Variants in TCEANC2 observed in about 807,000 individuals in gnomAD.
The protein encoded by TCEANC2 is transcription elongation factor A N-terminal and central domain containing 2, also known as transcription elongation factor A N-terminal and central domain-containing protein 2.
TCEANC2 carries 20 observed loss-of-function variants against 22.8 expected under a neutral mutation model. The observed-to-expected ratio is 0.88, with a 90% CI of 0.62 to 1.28. The LOEUF is 1.28. TCEANC2 is among the 50% of genes most tolerant of loss of function. TCEANC2 has a pLI of 0.00. For missense variants in TCEANC2, 251 were observed against 249.7 expected (o/e 1.01, Z -0.03); for synonymous variants, 84 against 95.5 (o/e 0.88, Z 0.70).
At position 54,103,415 on chromosome 1, in the gene TCEANC2, G is replaced by A. The variant is rs1368580884; in HGVS notation, c.*6942G>A. 6.6e-6 allele frequency: 1 copy of A among 152,252 alleles called. No individual in the cohort carries two copies. The highest frequency in any genetic ancestry group is 1.5e-5 in the Non-Finnish European group (1 of 68,086). 9.4% of individuals were successfully genotyped at this position (152,252 alleles called of 1,614,324 possible). ...CAGCAGGGGAGAGAGAGAGTGCAAA[G>A]GGGGAACTGCCAAACACTTTGAAAC... On this transcript the variant is annotated 3_prime_UTR_variant, in exon 5 of 5. Coordinates refer to ENST00000234827, the MANE Select transcript of TCEANC2 (RefSeq NM_153035.3).
intron 3 of TCEANC2, among the ~76,000 whole-genome samples, chr1:54,072,357 T>G (rs947676018): frequency 6.6e-6 from 1 of 152,004 alleles, no homozygotes; most frequent in Admixed American, 6.5e-5. Context: ...TTTCAATAAC[T>G]GTTTTTCATT....
rs1658662923 is a variant in TCEANC2 at position 54,101,440 on chromosome 1, TTCAAGATCCAAGAAGA to T, written c.*4974_*4989del. On this transcript the variant is annotated 3_prime_UTR_variant, in exon 5 of 5. Transcript: ENST00000234827. ...TTACTCATAACCTGGGGAGGTTGGT[TTCAAGATCCAAGAAGA>T]TCAAGACATCCAATCAAATGCTGGT... 6.6e-6 allele frequency: 1 copy of T among 152,186 alleles called. No homozygotes were observed. Among genetic ancestry groups the T allele is most frequent in the Non-Finnish European group, 1.5e-5 (1 of 68,044 alleles). The allele number at this position is 152,186 out of a possible 1,614,324, so 9.4% of individuals were successfully genotyped here.
downstream of TCEANC2, chr1:54,106,148 T>C (rs1658751141): frequency 2.0e-5 from 3 of 152,176 alleles, no homozygotes; most frequent in Admixed American, 2.0e-4. Flanking sequence ...AGAAATACTT[T>C]TACATATGTG....
Position 54,101,514 on chromosome 1 carries a change from A to C in TCEANC2, c.*5041A>C, listed in dbSNP as rs989623713. The C allele has an allele frequency of 2.0e-5, 3 of 152,198 alleles. No homozygotes were observed. The highest frequency in any genetic ancestry group is 4.8e-5 in the African/African-American group (2 of 41,442). The allele number at this position is 152,198 out of a possible 1,614,324, so 9.4% of individuals were successfully genotyped here. ...GTTGATAAAATCATTCTTTCAATAC[A>C]TATTTGTTGAGTTCTTACGTGTCAG... is the stretch of plus-strand genomic sequence containing the variant. On this transcript the variant is annotated 3_prime_UTR_variant, in exon 5 of 5. Coordinates refer to ENST00000234827, the MANE Select transcript of TCEANC2 (RefSeq NM_153035.3).
At chr1:54,061,671 T>C (rs975243652) in intron 2 of TCEANC2, among the ~76,000 whole-genome samples, 8 of 152,194 alleles carry the variant, frequency 5.3e-5, no homozygotes, top group African/African-American at 1.7e-4. Flanking sequence ...CTTGAAGTCA[T>C]GTAGCCATTA....
intron 4 of TCEANC2, among the ~76,000 whole-genome samples, chr1:54,092,270 G>C (rs1443061528): frequency 6.6e-6 from 1 of 152,110 alleles, no homozygotes; most frequent in East Asian, 1.9e-4. Flanking sequence ...ACTATCTCCT[G>C]GCTGATAACC....
chr1:54,073,042 T>G (rs1039130374), intron 3 of TCEANC2, among the ~76,000 whole-genome samples: 1 of 152,170 alleles, frequency 6.6e-6, no homozygotes, highest in Non-Finnish European at 1.5e-5. Context: ...CACAGCTCAC[T>G]GCAGCCTTGA....
At chr1:54,057,602 G>T (rs1156743559) in intron 2 of TCEANC2, among the ~76,000 whole-genome samples, 1 of 151,948 alleles carries the variant, frequency 6.6e-6, no homozygotes, top group Non-Finnish European at 1.5e-5. Context: ...ATGGTCTGTT[G>T]ACTTGTCTCC....
chr1:54,089,928 A>G, intron 4 of TCEANC2: 1 of 757,746 alleles, frequency 1.3e-6, no homozygotes, highest in Non-Finnish European at 2.3e-6. Context: ...GGCAAGGCAG[A>G]GCCACCGGAA....
At chr1:54,068,948 C>G (rs1557688159) in intron 3 of TCEANC2, 51 bp downstream of exon 3, 14 of 1,433,086 alleles carry the variant, frequency 9.8e-6, no homozygotes, top group Middle Eastern at 2.6e-4. Context: ...TTTTGTCTCC[C>G]TTCTTCTTTC....
rs997442363 is a variant in TCEANC2, at chr1:54,096,717, G to A, written c.*244G>A. The A allele has an allele frequency of 2.5e-6, 3 of 1,207,968 alleles. No individual in the cohort carries two copies. Among genetic ancestry groups the A allele is most frequent in the African/African-American group, 1.5e-5 (1 of 65,614 alleles). 74.8% of individuals were successfully genotyped at this position (1,207,968 alleles called of 1,614,324 possible). A position where few individuals can be genotyped will look rare whatever the true frequency, so the allele number is the denominator to read the frequency against. The stretch of plus-strand genomic sequence containing the variant: ...CGCACACTGGCTGTCACTAGGAAGC[G>A]CCATACGGTTGCTATCACCCAACAT... On this transcript the variant is annotated 3_prime_UTR_variant, in exon 5 of 5. Transcript: ENST00000234827. This position sits in a 1 kb window ranked among gnomAD's most constrained non-coding sequence, Gnocchi z 4.9.
Position 54,104,570 on chromosome 1 carries a change from G to A in TCEANC2, c.*8097G>A, listed in dbSNP as rs1658714600. The A allele has an allele frequency of 2.2e-6, 1 of 454,346 alleles. No homozygotes were observed. The highest frequency in any genetic ancestry group is 2.4e-5 in the Admixed American group (1 of 42,264). 28.1% of individuals were successfully genotyped at this position (454,346 alleles called of 1,614,324 possible). On this transcript the variant is annotated 3_prime_UTR_variant, in exon 5 of 5. Coordinates refer to ENST00000234827, the MANE Select transcript of TCEANC2 (RefSeq NM_153035.3). ...TTTTTCTTTTTCTTTTTCAGAGGTGGAGTCTCTGTCACCCAGGCTGGAGTG... is the reference window on the plus strand; with the variant it reads ...TTTTTCTTTTTCTTTTTCAGAGGTGAAGTCTCTGTCACCCAGGCTGGAGTG...
rs142509427 is a variant in TCEANC2, at chr1:54,059,534, G to A, written c.102+5010G>A. Among the ~76,000 whole-genome samples, 458 of 152,288 alleles carry A rather than the reference G, an allele frequency of 3.0e-3. 2 individuals are homozygous for A. Among genetic ancestry groups the A allele is most frequent in the Non-Finnish European group, 4.0e-3 (269 of 68,026 alleles). Reference sequence around the variant, plus strand: ...CATATTAAGTGGTCAATAAATATTTGTCAAATAAATGAATGTTGAAATGCT... The same window carrying A: ...CATATTAAGTGGTCAATAAATATTTATCAAATAAATGAATGTTGAAATGCT... On this transcript the variant is annotated intron_variant, in intron 2 of 4. Transcript: ENST00000234827.
rs113322792 is a variant in TCEANC2 at position 54,055,223 on chromosome 1, C to T, written c.102+699C>T. Among the ~76,000 whole-genome samples the T allele has an allele frequency of 5.8e-3, 883 of 152,296 alleles. 6 individuals are homozygous for T. Among genetic ancestry groups the T allele is most frequent in the African/African-American group, 0.02 (826 of 41,542 alleles). On this transcript the variant is annotated intron_variant, in intron 2 of 4. Coordinates refer to ENST00000234827, the MANE Select transcript of TCEANC2 (RefSeq NM_153035.3). ...AAAATGATCCACCCGCCTCTTGTCT[C>T]CCAAAGTGCTGAGATTACAGGCATG...
chr1:54,090,816 G>A (rs375259537), intron 4 of TCEANC2, among the ~76,000 whole-genome samples: 18 of 152,266 alleles, frequency 1.2e-4, no homozygotes, highest in East Asian at 7.7e-4. Flanking sequence ...TATATAATAC[G>A]TAGTTAATGT....
intron 4 of TCEANC2, among the ~76,000 whole-genome samples, chr1:54,094,962 G>C (rs983875765): frequency 1.3e-5 from 2 of 152,136 alleles, no homozygotes; most frequent in African/African-American, 4.8e-5. Flanking sequence ...AACATAGCAA[G>C]ACCCCATCTC....
At chr1:54,090,531 G>T in intron 4 of TCEANC2, among the ~76,000 whole-genome samples, 1 of 152,016 alleles carries the variant, frequency 6.6e-6, no homozygotes, top group Non-Finnish European at 1.5e-5. Flanking sequence ...ATTTTAGTTA[G>T]TGTCATTTTT....
intron 4 of TCEANC2, among the ~76,000 whole-genome samples, chr1:54,094,533 T>G (rs368780910): frequency 5.9e-5 from 9 of 152,280 alleles, no homozygotes; most frequent in East Asian, 5.8e-4. Flanking sequence ...CTGGGTTGGG[T>G]TGCTTTGCCA....
rs775942491 is a variant in TCEANC2, at chr1:54,054,309, G to A, written c.-42-72G>A. The A allele has an allele frequency of 6.6e-6, 10 of 1,516,546 alleles. No individual in the cohort carries two copies. The Admixed American group carries it at 6.8e-5, about 10-fold the overall frequency. The allele number at this position is 1,516,546 out of a possible 1,614,324, so 93.9% of individuals were successfully genotyped here. On this transcript the variant is annotated intron_variant, in intron 1 of 4. Transcript: ENST00000234827. ...ATGAATTCTTCCAGAGAACTCAATT[G>A]TGTTACTTTGGGGAAAAAATATCAT...
Sources: gnomAD v4.1 joint callset for allele counts (sites outside exome capture counted in the v4.1 genomes callset) on GRCh38, gnomAD v4.1.1 for gene constraint, Gnocchi (gnomAD v3.1) non-coding constraint, MANE v1.5 for transcripts, NCBI Gene and HGNC (gene_info 2026-07-23, HGNC 2026-07-21) for gene names.